The following APBA2 variants were observed in gnomAD, a reference collection of about 807,000 sequenced individuals.
The protein encoded by APBA2 is amyloid beta precursor protein binding family A member 2, also known as amyloid-beta A4 precursor protein-binding family A member 2.
In APBA2, 30 loss-of-function variants were observed where a neutral mutation model predicts 75.0. The observed-to-expected ratio is 0.40, with a 90% CI of 0.30 to 0.54. APBA2 has a LOEUF of 0.54. Among genes scored for constraint, APBA2 ranks in the 20% least tolerant of loss-of-function variants. The pLI is 0.49. For synonymous variants in APBA2, 444 were observed against 409.6 expected, an observed-to-expected ratio of 1.08 and a Z score of -1.01; for missense variants, 801 against 1,016.1, an observed-to-expected ratio of 0.79 and a Z score of 2.88.
intron 11 of APBA2, among the ~76,000 whole-genome samples, chr15:29,106,218 G>A (rs2044393634): frequency 6.6e-6 from 1 of 152,194 alleles, no homozygotes. Flanking sequence ...GGGTATGGGA[G>A]CCTGAGAACA....
chr15:28,982,629 C>T (rs904314535), intron 2 of APBA2, among the ~76,000 whole-genome samples: 1 of 152,232 alleles, frequency 6.6e-6, no homozygotes, highest in African/African-American at 2.4e-5. Flanking sequence ...CAGAAGTCCT[C>T]ATGTCCTATT....
intron 1 of APBA2, among the ~76,000 whole-genome samples, chr15:28,890,043 G>A (rs1421892041): frequency 6.7e-6 from 1 of 150,002 alleles, no homozygotes; most frequent in Non-Finnish European, 1.5e-5. Context: ...GTGAGTGAAC[G>A]AAACACGGGA....
intron 3 of APBA2, among the ~76,000 whole-genome samples, chr15:29,001,773 A>G (rs1267842546): frequency 1.3e-5 from 2 of 152,124 alleles, no homozygotes; most frequent in East Asian, 3.9e-4. Flanking sequence ...TTTAAGTTGT[A>G]CTTTAGAAGA....
At chr15:28,951,578 A>G (rs2035873984) in intron 2 of APBA2, among the ~76,000 whole-genome samples, 1 of 120,276 alleles carries the variant, frequency 8.3e-6, no homozygotes, top group African/African-American at 6.5e-5. Flanking sequence ...TATCTCCCAT[A>G]GTTTTTTTTT....
At chr15:29,071,814 G>A (rs552202051) in intron 4 of APBA2, among the ~76,000 whole-genome samples, 2 of 151,944 alleles carry the variant, frequency 1.3e-5, no homozygotes, top group East Asian at 1.9e-4. Flanking sequence ...GTGGACACCC[G>A]CTTGGGAGGG....
At chr15:28,892,460 G>A (rs1045618521) in intron 1 of APBA2, among the ~76,000 whole-genome samples, 1 of 152,184 alleles carries the variant, frequency 6.6e-6, no homozygotes, top group African/African-American at 2.4e-5. Context: ...ACAGTATTCA[G>A]CGTGGTAACA....
At chr15:29,065,508 T>A (rs1394235024) in intron 4 of APBA2, among the ~76,000 whole-genome samples, 1 of 152,074 alleles carries the variant, frequency 6.6e-6, no homozygotes, top group African/African-American at 2.4e-5. Flanking sequence ...TTAGAATAAC[T>A]CCTAATCCTA....
At chr15:28,921,342 G>C (rs560341720) in intron 1 of APBA2, among the ~76,000 whole-genome samples, 74 of 152,268 alleles carry the variant, frequency 4.9e-4, no homozygotes, top group African/African-American at 1.8e-3. Flanking sequence ...GCTACCTGTG[G>C]CCCGAAATCA....
chr15:28,965,796 A>G (rs956563451), intron 2 of APBA2, among the ~76,000 whole-genome samples: 20 of 152,162 alleles, frequency 1.3e-4, no homozygotes, highest in Non-Finnish European at 2.4e-4. Flanking sequence ...TAGACATGCA[A>G]TCAGTTTTTG....
chr15:29,062,759 C>T (rs867954007), intron 4 of APBA2, among the ~76,000 whole-genome samples: 1 of 152,186 alleles, frequency 6.6e-6, no homozygotes, highest in Non-Finnish European at 1.5e-5. Flanking sequence ...CCCTAGTCCT[C>T]GGGGAGAAAG....
At chr15:28,982,820 G>T (rs2037697174) in intron 2 of APBA2, among the ~76,000 whole-genome samples, 1 of 152,226 alleles carries the variant, frequency 6.6e-6, no homozygotes, top group African/African-American at 2.4e-5. Flanking sequence ...TGGCAGGGCT[G>T]CCTACAGGGC....
chr15:29,073,499 C>T (rs769602688), intron 4 of APBA2, among the ~76,000 whole-genome samples: 2 of 152,264 alleles, frequency 1.3e-5, no homozygotes, highest in Non-Finnish European at 2.9e-5. Context: ...TACAGGCATC[C>T]ACCACCATGC....
At chr15:29,098,416 G>T (rs2152958283) in intron 8 of APBA2, 74 bp from the exon 9 acceptor site, 1 of 1,010,464 alleles carries the variant, frequency 9.9e-7, no homozygotes, top group Non-Finnish European at 1.6e-6. Flanking sequence ...TGAGCATTTT[G>T]TCATAATGCT....
intron 2 of APBA2, among the ~76,000 whole-genome samples, chr15:28,944,412 G>C (rs1294720739): frequency 6.6e-6 from 1 of 152,128 alleles, no homozygotes; most frequent in Non-Finnish European, 1.5e-5. Flanking sequence ...ATGCCTCCTG[G>C]GTCTCCATCA....
At chr15:29,085,778 G>C (rs922397487) in intron 6 of APBA2, among the ~76,000 whole-genome samples, 1 of 151,998 alleles carries the variant, frequency 6.6e-6, no homozygotes, top group African/African-American at 2.4e-5. Flanking sequence ...AATATTTCTT[G>C]CCCCAGGTCT....
chr15:29,075,054 G>T (rs2042790678), intron 5 of APBA2, 53 bp downstream of exon 5: 4 of 1,285,360 alleles, frequency 3.1e-6, no homozygotes. Context: ...TCTAATGATG[G>T]AGTGGCCCAC....
chr15:29,090,486 A>G (rs2043507146), intron 6 of APBA2, among the ~76,000 whole-genome samples: 1 of 152,208 alleles, frequency 6.6e-6, no homozygotes, highest in Non-Finnish European at 1.5e-5. Flanking sequence ...GGGAGAAGCC[A>G]AGGGGCAGTG....
At chr15:28,964,739 C>A (rs1266716642) in intron 2 of APBA2, among the ~76,000 whole-genome samples, 1 of 152,018 alleles carries the variant, frequency 6.6e-6, no homozygotes, top group Non-Finnish European at 1.5e-5. Flanking sequence ...CAGCCCACCT[C>A]GGCCTCCGAA....
At chr15:28,903,983 A>G (rs553308574) in intron 1 of APBA2, among the ~76,000 whole-genome samples, 30 of 152,326 alleles carry the variant, frequency 2.0e-4, no homozygotes, top group African/African-American at 6.7e-4. Flanking sequence ...GAACCATATG[A>G]AACTGTTATT....
Sources: gnomAD v4.1 joint callset for allele counts (sites outside exome capture counted in the v4.1 genomes callset) on GRCh38, gnomAD v4.1.1 for gene constraint, MANE v1.5 for transcripts, NCBI Gene and HGNC (gene_info 2026-07-23, HGNC 2026-07-21) for gene names.